BRD2: variants seen among roughly 807,000 people sequenced by gnomAD.
The protein encoded by BRD2 is bromodomain containing 2.
A neutral mutation model predicts 79.1 loss-of-function variants in BRD2; 15 were observed. The ratio of observed to expected loss-of-function variants is 0.19; its 90% CI spans 0.13 to 0.29. BRD2 has a LOEUF of 0.29. BRD2 is among the 10% of genes least tolerant of loss of function. BRD2 has a pLI of 1.00. For synonymous variants in BRD2, 488 were observed against 358.6 expected, an observed-to-expected ratio of 1.36 and a Z score of -4.08; for missense variants, 1,053 against 991.3, an observed-to-expected ratio of 1.06 and a Z score of -0.84.
rs1582917882 is a variant in BRD2, at chr6:32,977,972, A to C, written c.1545A>C (p.Glu515Asp). ...EESESSDSEE[E>D]RAHRLAELQE... ...GTGAAAGCTCAGACTCAGAGGAAGAAAGGGCTCATCGCTTAGCAGAACTAC... is the reference window on the plus strand; with the variant it reads ...GTGAAAGCTCAGACTCAGAGGAAGACAGGGCTCATCGCTTAGCAGAACTAC... Residue 515 changes from glutamate to aspartate, a missense_variant, in exon 9 of 13, where the codon GAA becomes GAC. By Grantham distance (45) the Glu-to-Asp change is conservative. Around this residue, in one of 5 missense-constraint regions of BRD2, gnomAD observed 454 missense variants for 430.5 expected, o/e 1.05. Coordinates refer to ENST00000374825, the MANE Select transcript of BRD2 (RefSeq NM_005104.4). 9 of 1,611,644 alleles carry C rather than the reference A, an allele frequency of 5.6e-6. No homozygotes were observed. The highest frequency in any genetic ancestry group is 7.6e-6 in the Non-Finnish European group (9 of 1,180,030).
chr6:32,971,602 G>A lies in BRD2; in HGVS notation c.-1297G>A. The A allele has an allele frequency of 2.2e-6, 1 of 450,262 alleles. No individual in the cohort carries two copies. The highest frequency in any genetic ancestry group is 4.7e-5 in the South Asian group (1 of 21,174). The allele number at this position is 450,262 out of a possible 1,614,324, so 27.9% of individuals were successfully genotyped here. A position where few individuals can be genotyped will look rare whatever the true frequency, so the allele number is the denominator to read the frequency against. On this transcript the variant is annotated 5_prime_UTR_variant, in exon 2 of 13. Transcript: ENST00000374825. ...TCTTTTTCCTCGTTTCAGATTCTTC[G>A]CTGCTGCTGCCTTACCGCCGAGAAC...
intron 12 of BRD2, 47 bp downstream of exon 12, chr6:32,980,511 T>TGA: frequency 6.2e-7 from 1 of 1,612,364 alleles, no homozygotes; most frequent in Non-Finnish European, 8.5e-7. Flanking sequence ...CATCCTGCCT[T>TGA]CTTGACTGTC....
At position 32,978,371 on chromosome 6, in the gene BRD2, T is replaced by C; in HGVS notation, c.1824T>C (p.Ser608=). 1 of 1,612,476 alleles carries C rather than the reference T, an allele frequency of 6.2e-7. No homozygotes were observed. The highest frequency in any genetic ancestry group is 8.5e-7 in the Non-Finnish European group (1 of 1,179,814). ...AALGPSGFGP[S]GGSGTKLPKK... ...TAGGCCCTTCTGGCTTTGGACCTTC[T>C]GGAGGAAGTGGCACCAAGTGAGTTA... Residue 608 remains serine, a synonymous_variant, in exon 10 of 13, where the codon TCT becomes TCC. Transcript: ENST00000374825.
chr6:32,970,531 T>A (rs1253006141), intron 1 of BRD2: 1 of 152,490 alleles, frequency 6.6e-6, no homozygotes, highest in Non-Finnish European at 1.5e-5. Flanking sequence ...GGGGGAATCT[T>A]ACCGTATATT....
chr6:32,975,660 C>T (rs1778643442), intron 4 of BRD2, 139 bp downstream of exon 4: 1 of 1,067,240 alleles, frequency 9.4e-7, no homozygotes. Context: ...GTCTTAAAAA[C>T]CTGACTCTAG....
chr6:32,972,691 T>G lies in BRD2; in HGVS notation c.-208T>G. ...CGCCATTTTCTTGCTGTCCGCCGTC[T>G]GCAGAGCGCGCCAAGCTGCCCGGAG... On this transcript the variant is annotated 5_prime_UTR_variant, in exon 2 of 13. Transcript: ENST00000374825. The G allele has an allele frequency of 1.5e-6, 1 of 680,408 alleles. No homozygotes were observed. The highest frequency in any genetic ancestry group is 2.5e-6 in the Non-Finnish European group (1 of 406,540). The allele number at this position is 680,408 out of a possible 1,614,324, so 42.1% of individuals were successfully genotyped here. A position where few individuals can be genotyped will look rare whatever the true frequency, so the allele number is the denominator to read the frequency against.
chr6:32,973,075 G>T, intron 2 of BRD2, 148 bp downstream of exon 2: 1 of 1,583,234 alleles, frequency 6.3e-7, no homozygotes, highest in Middle Eastern at 1.7e-4. Context: ...GGAATTGAGC[G>T]ACGGTTTTGG....
At chr6:32,979,763 A>G (rs757166600) in intron 10 of BRD2, 65 bp from the exon 11 acceptor site, 128 of 1,524,848 alleles carry the variant, frequency 8.4e-5, no homozygotes, top group East Asian at 3.2e-4. Flanking sequence ...CTGAATTATA[A>G]CAGTGGGAAC....
chr6:32,975,998 T>A (rs764254990), intron 4 of BRD2, 33 bp from the exon 5 acceptor site: 3 of 1,573,600 alleles, frequency 1.9e-6, no homozygotes, highest in South Asian at 1.2e-5. Flanking sequence ...TGGCATTTTT[T>A]AACTTTCTTT....
In BRD2 at chr6:32,977,585, TG is replaced by T. The variant is rs1778930988; in HGVS notation, c.1329+17del. On this transcript the variant is annotated intron_variant, in intron 8 of 12. Transcript: ENST00000374825. ...GAAAGCTACAGGTGAGTGGAAAGGTTGGAGTTTGAAAAATAAATGGTATGGG... is the reference window on the plus strand; with the variant it reads ...GAAAGCTACAGGTGAGTGGAAAGGTTGAGTTTGAAAAATAAATGGTATGGG... 1 of 1,613,340 alleles carries T rather than the reference TG, an allele frequency of 6.2e-7. No homozygotes were observed. The highest frequency in any genetic ancestry group is 1.1e-5 in the South Asian group (1 of 91,068).
At chr6:32,973,066 G>C (rs563834112) in intron 2 of BRD2, 139 bp downstream of exon 2, 3 of 1,591,910 alleles carry the variant, frequency 1.9e-6, no homozygotes, top group East Asian at 4.6e-5. Flanking sequence ...CGCGCGGAGG[G>C]AATTGAGCGA....
At chr6:32,969,773 G>C (rs1777779009) in intron 1 of BRD2, among the ~76,000 whole-genome samples, 1 of 152,128 alleles carries the variant, frequency 6.6e-6, no homozygotes, top group Non-Finnish European at 1.5e-5. Context: ...GGCAGTAGGG[G>C]GTCTAGACAG....
rs151209418 is a variant in BRD2, at chr6:32,975,309, T to TGTGA, written c.334-74_334-73insTGAG. ...GGGTGTGTGTGTGTGTGTGTGTGTG[T>TGTGA]GAGAGTCGGGGATCGGTAGTCTCCC... On this transcript the variant is annotated intron_variant, in intron 3 of 12. Transcript: ENST00000374825. 2.2e-3 allele frequency: 2,292 copies of TGTGA among 1,028,550 alleles called. 6 individuals are homozygous for TGTGA. The highest frequency in any genetic ancestry group is 5.9e-3 in the East Asian group (220 of 37,048). The allele number at this position is 1,028,550 out of a possible 1,614,324, so 63.7% of individuals were successfully genotyped here. A position where few individuals can be genotyped will look rare whatever the true frequency, so the allele number is the denominator to read the frequency against.
intron 2 of BRD2, 47 bp downstream of exon 2, chr6:32,972,974 CG>C (rs1561929103): frequency 1.2e-6 from 2 of 1,613,952 alleles, no homozygotes; most frequent in Admixed American, 3.3e-5. Context: ...TGCAGGGCGG[CG>C]GCACAGGGGT....
intron 1 of BRD2, chr6:32,969,452 G>T (rs982333725): frequency 4.4e-6 from 3 of 682,770 alleles, no homozygotes; most frequent in Non-Finnish European, 8.2e-6. Flanking sequence ...TGCTTTAGGA[G>T]TTGGCCACCC....
chr6:32,976,201 A>G lies in BRD2; in HGVS notation c.610+32A>G, dbSNP rs962773127. 10 of 1,527,204 alleles carry G rather than the reference A, an allele frequency of 6.5e-6. No individual in the cohort carries two copies. The African/African-American group carries it at 1.0e-4, about 15-fold the overall frequency. 94.6% of individuals were successfully genotyped at this position (1,527,204 alleles called of 1,614,324 possible). On this transcript the variant is annotated intron_variant, in intron 5 of 12. Transcript: ENST00000374825. ...AGAGTGGGAGTTTTGCAAATGGACA[A>G]CTAAAGATGGGGAAGAGAATCAAAC...
intron 7 of BRD2, 37 bp from the exon 8 acceptor site, chr6:32,977,405 C>T (rs1778908750): frequency 1.2e-6 from 2 of 1,613,372 alleles, no homozygotes; most frequent in South Asian, 1.1e-5. Flanking sequence ...GTGAGTCTTC[C>T]TGCCTGTGCA....
chr6:32,976,454 C>G lies in BRD2; in HGVS notation c.815C>G (p.Pro272Arg), dbSNP rs755254819. ...GTTACTGCAGCTCCTCCAGCCCAGC[C>G]CCTTGCCAAGGTATGATCTGTGGAT... ...LAVTAAPPAQ[P>R]LAKKKGVKRK... Residue 272 changes from proline (P) to arginine (R), a missense_variant, in exon 6 of 13, where the codon CCC becomes CGC. Around this residue, in one of 5 missense-constraint regions of BRD2, gnomAD observed 413 missense variants for 335.1 expected, o/e 1.23. Coordinates refer to ENST00000374825, the MANE Select transcript of BRD2 (RefSeq NM_005104.4). 1.9e-6 allele frequency: 3 copies of G among 1,609,502 alleles called. No individual in the cohort carries two copies. In the South Asian group the frequency reaches 3.3e-5, roughly 18 times the overall value.
rs1369228824 is a variant in BRD2, at chr6:32,974,584, T to A, written c.152T>A (p.Val51Glu). 2.5e-6 allele frequency: 4 copies of A among 1,614,224 alleles called. No individual in the cohort carries two copies. The highest frequency in any genetic ancestry group is 3.4e-6 in the Non-Finnish European group (4 of 1,180,036). The part of the protein sequence containing the change: ...EGFESPTMAS[V>E]PALQLTPANP... The stretch of plus-strand genomic sequence containing the variant: ...TTTGAGAGCCCCACAATGGCTTCGG[T>A]GCCTGCTTTGCAACTTACCCCTGCC... The change falls in exon 3 of 13, where the codon GTG (valine) becomes GAG (glutamate). Residue 51 changes from valine (V) to glutamate (E), a missense_variant. Coordinates refer to ENST00000374825, the MANE Select transcript of BRD2 (RefSeq NM_005104.4).
Sources: gnomAD v4.1 joint callset for allele counts (sites outside exome capture counted in the v4.1 genomes callset) on GRCh38, gnomAD v4.1.1 for gene constraint, gnomAD v4.1.1 regional missense constraint, MANE v1.5 for transcripts, NCBI Gene and HGNC (gene_info 2026-07-23, HGNC 2026-07-21) for gene names.